The following LGR5 variants were observed in gnomAD, a reference collection of about 807,000 sequenced individuals.
LGR5 encodes leucine-rich repeat-containing G protein-coupled receptor 5.
A neutral mutation model predicts 76.7 loss-of-function variants in LGR5; 54 were observed. The observed-to-expected ratio is 0.70, with a 90% confidence interval of 0.57 to 0.88. LGR5 has a LOEUF of 0.88. LGR5 is among the 40% of genes least tolerant of loss of function. The pLI is 0.00. For synonymous variants in LGR5, 406 were observed against 421.9 expected, an observed-to-expected ratio of 0.96 and a Z score of 0.46; for missense variants, 1,078 against 1,073.3, an observed-to-expected ratio of 1.00 and a Z score of -0.06.
At chr12:71,492,294 G>A (rs1456800235) in intron 1 of LGR5, among the ~76,000 whole-genome samples, 1 of 152,098 alleles carries the variant, frequency 6.6e-6, no homozygotes, top group East Asian at 1.9e-4. Context: ...TGTCTTCTTA[G>A]GTTAGAAAGC....
At chr12:71,451,768 T>C (rs865993401) in intron 1 of LGR5, among the ~76,000 whole-genome samples, 3 of 152,228 alleles carry the variant, frequency 2.0e-5, no homozygotes, top group Admixed American at 1.3e-4. Flanking sequence ...CTCTATTTTA[T>C]GGTGCTTTGA....
At chr12:71,465,462 T>C (rs997522412) in intron 1 of LGR5, among the ~76,000 whole-genome samples, 7 of 152,186 alleles carry the variant, frequency 4.6e-5, no homozygotes, top group African/African-American at 7.2e-5. Flanking sequence ...GTCTTTATCA[T>C]ATGTGCGTGC....
At chr12:71,485,920 C>A (rs1350610057) in intron 1 of LGR5, among the ~76,000 whole-genome samples, 1 of 151,952 alleles carries the variant, frequency 6.6e-6, no homozygotes, top group African/African-American at 2.4e-5. Context: ...TGTCCGCCAC[C>A]ACACTCAGCT....
At chr12:71,547,432 T>C (rs960180726) in intron 4 of LGR5, among the ~76,000 whole-genome samples, 12 of 152,220 alleles carry the variant, frequency 7.9e-5, no homozygotes, top group African/African-American at 2.7e-4. Context: ...TTAAGAAACT[T>C]CAGGAAGAAT....
rs572929740 is a variant in LGR5, at chr12:71,533,887, A to G, written c.357-1228A>G. Among the ~76,000 whole-genome samples, 70 of 152,318 alleles carry G rather than the reference A, an allele frequency of 4.6e-4. 1 individual carries two copies. The South Asian group carries it at 5.6e-3, about 12-fold the overall frequency. ...TTCTTAACCATACCGTTCACATGCA[A>G]TCTGAGAATTTACACAGTCAGCACA... On this transcript the variant is annotated intron_variant, in intron 3 of 17. Coordinates refer to ENST00000266674, the MANE Select transcript of LGR5 (RefSeq NM_003667.4).
intron 3 of LGR5, among the ~76,000 whole-genome samples, chr12:71,533,287 G>T (rs1876418592): frequency 6.6e-6 from 1 of 152,202 alleles, no homozygotes; most frequent in Non-Finnish European, 1.5e-5. Flanking sequence ...AGAGGTTGCA[G>T]TGGGCCGAGA....
chr12:71,506,748 C>T (rs1874877966), intron 2 of LGR5, among the ~76,000 whole-genome samples: 1 of 152,128 alleles, frequency 6.6e-6, no homozygotes, highest in Non-Finnish European at 1.5e-5. Flanking sequence ...ATATATAATT[C>T]TGTGCTGCAC....
At chr12:71,496,204 T>C (rs1438270571) in intron 1 of LGR5, among the ~76,000 whole-genome samples, 1 of 152,092 alleles carries the variant, frequency 6.6e-6, no homozygotes, top group East Asian at 1.9e-4. Context: ...ACTCTGTCTC[T>C]ACCAAAAATA....
rs1383502762 is a variant in LGR5, at chr12:71,583,872, T to C, written c.1862T>C (p.Phe621Ser). Residue 621 changes from phenylalanine to serine, a missense_variant, in exon 18 of 18, where the codon TTT becomes TCT. Transcript: ENST00000266674. Reference protein sequence around the residue: ...AVLAGVDAFTFGSFARHGAWW... With the variant: ...AVLAGVDAFTSGSFARHGAWW... ...CTGGCTGGTGTGGATGCGTTCACTT[T>C]TGGCAGCTTTGCACGACATGGTGCC... The C allele has an allele frequency of 6.2e-7, 1 of 1,614,164 alleles. No individual in the cohort carries two copies. The highest frequency in any genetic ancestry group is 8.5e-7 in the Non-Finnish European group (1 of 1,180,032).
intron 8 of LGR5, 78 bp from the exon 9 acceptor site, chr12:71,566,326 A>T: frequency 1.1e-6 from 1 of 882,552 alleles, no homozygotes. Context: ...CATTTACTGT[A>T]TTTGTTCAAA....
intron 16 of LGR5, 33 bp from the exon 17 acceptor site, chr12:71,582,423 G>T: frequency 6.3e-7 from 1 of 1,587,508 alleles, no homozygotes; most frequent in South Asian, 1.1e-5. Context: ...AAGAGAGTCA[G>T]AACTAATCAT....
intron 11 of LGR5, among the ~76,000 whole-genome samples, chr12:71,568,921 C>T (rs1224021031): frequency 2.0e-5 from 3 of 152,188 alleles, no homozygotes; most frequent in African/African-American, 7.2e-5. Flanking sequence ...ACTAGCTGGT[C>T]AGCTTAGGCA....
intron 1 of LGR5, chr12:71,448,280 T>C (rs1258808142): frequency 1.3e-5 from 2 of 152,198 alleles, no homozygotes; most frequent in African/African-American, 4.8e-5. Context: ...AGATGTCGAT[T>C]TGTAAAAATA....
intron 2 of LGR5, among the ~76,000 whole-genome samples, chr12:71,517,346 G>A (rs1383039525): frequency 6.6e-6 from 1 of 152,176 alleles, no homozygotes; most frequent in African/African-American, 2.4e-5. Flanking sequence ...GATAACACAG[G>A]TCAGTGGTTC....
intron 1 of LGR5, among the ~76,000 whole-genome samples, chr12:71,476,366 T>C (rs1014596788): frequency 6.6e-6 from 1 of 152,166 alleles, no homozygotes; most frequent in African/African-American, 2.4e-5. Flanking sequence ...GTAAATTGCT[T>C]AACTTCTCCC....
intron 8 of LGR5, among the ~76,000 whole-genome samples, chr12:71,562,208 A>C (rs1376227085): frequency 1.3e-5 from 2 of 152,170 alleles, no homozygotes; most frequent in Non-Finnish European, 2.9e-5. Context: ...GTATACTAGA[A>C]ATATAAATTA....
In LGR5 at chr12:71,584,330, A is replaced by G. The variant is rs1285668453; in HGVS notation, c.2320A>G (p.Thr774Ala). ...AAAACACATTGCCCTGTTGCTCTTC[A>G]CCAACTGCATCCTAAACTGCCCTGT... is the stretch of plus-strand genomic sequence containing the variant. ...MVKHIALLLF[T>A]NCILNCPVAF... The change falls in exon 18 of 18, where the codon ACC becomes GCC. Residue 774 changes from threonine (T) to alanine (A), a missense_variant. By Grantham distance (58) the Thr-to-Ala change is moderately conservative (BLOSUM62 0). Transcript: ENST00000266674. 1 of 1,614,060 alleles carries G rather than the reference A, an allele frequency of 6.2e-7. No homozygotes were observed. Among genetic ancestry groups the G allele is most frequent in the Non-Finnish European group, 8.5e-7 (1 of 1,180,028 alleles).
intron 1 of LGR5, among the ~76,000 whole-genome samples, chr12:71,488,717 T>C (rs776612822): frequency 2.6e-5 from 4 of 152,202 alleles, no homozygotes; most frequent in African/African-American, 7.2e-5. Context: ...TAATTTCCCA[T>C]TGGGGTTGAT....
At chr12:71,526,448 A>T (rs1324210605) in intron 3 of LGR5, among the ~76,000 whole-genome samples, 2 of 151,536 alleles carry the variant, frequency 1.3e-5, no homozygotes, top group Non-Finnish European at 3.0e-5. Flanking sequence ...AAAAAAAAAA[A>T]TGGTATTTAG....
Sources: allele counts gnomAD v4.1 joint callset (sites outside exome capture counted in the v4.1 genomes callset), GRCh38; gene constraint gnomAD v4.1.1; transcripts MANE v1.5; gene names NCBI Gene and HGNC (gene_info 2026-07-23, HGNC 2026-07-21).